Variants in PCDH7 observed in about 807,000 individuals in gnomAD.
The protein encoded by PCDH7 is protocadherin-7.
Under a neutral mutation model 58.9 loss-of-function variants are expected in PCDH7, and 17 were observed. That is an observed-to-expected ratio of 0.29 (90% confidence interval 0.20 to 0.43). The LOEUF (loss-of-function observed/expected upper bound fraction) is 0.43, where lower values mean the gene tolerates loss of function less well. PCDH7 is among the 20% of genes least tolerant of loss of function. The pLI, the probability that PCDH7 is intolerant of heterozygous loss-of-function variation, is 1.00. For missense variants in PCDH7, 1,274 were observed against 1,441.0 expected (o/e 0.88, Z 1.88); for synonymous variants, 664 against 616.4 (o/e 1.08, Z -1.14).
rs376418177 is a variant in PCDH7, at chr4:30,891,592, A to G, written c.71-28561A>G. 5.3e-5 allele frequency among the ~76,000 whole-genome samples: 8 copies of G among 152,122 alleles called. No individual in the cohort carries two copies. In the East Asian group the frequency reaches 1.4e-3, roughly 26 times the overall value. On this transcript the variant is annotated intron_variant, in intron 1 of 3. Transcript: ENST00000509759. ...ATTGCTCCTGGTGAATGAACTTATCAGTGTGTCTGATCCAAATCCACTATT... is the reference window on the plus strand; with the variant it reads ...ATTGCTCCTGGTGAATGAACTTATCGGTGTGTCTGATCCAAATCCACTATT...
chr4:30,738,875 A>G (rs1716671495), intron 1 of PCDH7, among the ~76,000 whole-genome samples: 1 of 152,000 alleles, frequency 6.6e-6, no homozygotes, highest in African/African-American at 2.4e-5. Flanking sequence ...GGTCTGACAT[A>G]GATCCAGTGG....
At chr4:31,063,274 A>G (rs1031267808) in intron 3 of PCDH7, among the ~76,000 whole-genome samples, 3 of 151,884 alleles carry the variant, frequency 2.0e-5, no homozygotes, top group African/African-American at 7.2e-5. Context: ...AGATAGTCAG[A>G]AGATAACATA....
In PCDH7 at chr4:31,053,987, T is replaced by C. The variant is rs1275528254; in HGVS notation, c.*8-88486T>C. 2.0e-5 allele frequency among the ~76,000 whole-genome samples: 3 copies of C among 152,126 alleles called. No individual in the cohort carries two copies. The East Asian group carries it at 5.8e-4, about 29-fold the overall frequency. On this transcript the variant is annotated intron_variant, in intron 3 of 3. Transcript: ENST00000509759. ...TTTTTTGTTGTTTTTTGAGACATGG[T>C]CTTGTTCTGTCATCCAGACTGGAGT...
chr4:30,938,313 C>T (rs1745594346), intron 2 of PCDH7, among the ~76,000 whole-genome samples: 1 of 152,074 alleles, frequency 6.6e-6, no homozygotes, highest in African/African-American at 2.4e-5. Flanking sequence ...ACTTTATGAA[C>T]TATCTACTTG....
chr4:30,995,973 C>T (rs1751860905), intron 3 of PCDH7, among the ~76,000 whole-genome samples: 1 of 152,118 alleles, frequency 6.6e-6, no homozygotes, highest in Non-Finnish European at 1.5e-5. Context: ...TGCCATGTAA[C>T]CTAATGTATT....
intron 1 of PCDH7, among the ~76,000 whole-genome samples, chr4:30,788,663 C>T (rs751452585): frequency 2.0e-5 from 3 of 151,944 alleles, no homozygotes; most frequent in Non-Finnish European, 4.4e-5. Context: ...TACAGCTTTA[C>T]GAATGGAGAG....
Position 31,123,256 on chromosome 4 carries a change from A to T in PCDH7, c.*8-19217A>T, listed in dbSNP as rs1222922983. On this transcript the variant is annotated intron_variant, in intron 3 of 3. Transcript: ENST00000509759. ...ACACCTTTAATTTTTGCCAGGAAAG[A>T]GGGTATTAAGTAAAAATATATAATT... is the stretch of plus-strand genomic sequence containing the variant. Among the ~76,000 whole-genome samples the T allele has an allele frequency of 4.6e-5, 7 of 152,288 alleles. No homozygotes were observed. In the South Asian group the frequency reaches 1.4e-3, roughly 32 times the overall value.
chr4:30,876,740 A>G (rs1284418707), intron 1 of PCDH7, among the ~76,000 whole-genome samples: 1 of 152,014 alleles, frequency 6.6e-6, no homozygotes, highest in Non-Finnish European at 1.5e-5. Flanking sequence ...TATTATTATC[A>G]TTACTATTAT....
chr4:30,972,982 G>A (rs1022866211), intron 3 of PCDH7, among the ~76,000 whole-genome samples: 8 of 152,054 alleles, frequency 5.3e-5, no homozygotes, highest in African/African-American at 1.7e-4. Flanking sequence ...ATAAATATTC[G>A]ATGTTACTAA....
chr4:31,093,607 C>CACAT (rs33938318), intron 3 of PCDH7, among the ~76,000 whole-genome samples: 18,268 of 151,768 alleles, frequency 0.12, 1,547 homozygotes, highest in East Asian at 0.51. Flanking sequence ...CACACACACA[C>CACAT]ATTACTTGAA....
At chr4:30,781,279 T>C (rs1248613102) in intron 1 of PCDH7, among the ~76,000 whole-genome samples, 2 of 151,502 alleles carry the variant, frequency 1.3e-5, no homozygotes, top group East Asian at 3.9e-4. Context: ...TAGCTGGGAC[T>C]ACAGGTGCCC....
At chr4:31,047,943 A>G (rs1578652454) in intron 3 of PCDH7, among the ~76,000 whole-genome samples, 1 of 152,080 alleles carries the variant, frequency 6.6e-6, no homozygotes, top group African/African-American at 2.4e-5. Context: ...GTCCACATGC[A>G]TAGATGACTT....
intron 1 of PCDH7, among the ~76,000 whole-genome samples, chr4:30,748,060 G>T (rs1441181699): frequency 6.6e-6 from 1 of 152,160 alleles, no homozygotes; most frequent in Non-Finnish European, 1.5e-5. Context: ...AAAATGAAAG[G>T]TTTATTCTCA....
At chr4:30,913,278 T>G (rs1216539699) in intron 1 of PCDH7, among the ~76,000 whole-genome samples, 1 of 151,778 alleles carries the variant, frequency 6.6e-6, no homozygotes, top group Non-Finnish European at 1.5e-5. Context: ...GTCAAAAAGG[T>G]AGGGTGGTTA....
intron 1 of PCDH7, among the ~76,000 whole-genome samples, chr4:30,838,700 T>C (rs1165047959): frequency 6.6e-6 from 1 of 152,086 alleles, no homozygotes; most frequent in Non-Finnish European, 1.5e-5. Context: ...AGATTGGTTC[T>C]CTCTATGCAC....
chr4:31,101,665 A>AGTCTT (rs1714909572), intron 3 of PCDH7, among the ~76,000 whole-genome samples: 1 of 152,184 alleles, frequency 6.6e-6, no homozygotes, highest in Admixed American at 6.6e-5. Flanking sequence ...GTTATTTCTA[A>AGTCTT]ATATGAAAAG....
At position 30,722,687 on chromosome 4, in the gene PCDH7, G is replaced by A. The variant is rs1013618479; in HGVS notation, c.1265G>A (p.Arg422His). The change falls in exon 1 of 2, where the codon CGC becomes CAC. Residue 422 changes from arginine (R) to histidine (H), a missense_variant. Arg to His is a conservative substitution (Grantham distance 29, BLOSUM62 0). Around this residue, in one of 3 missense-constraint regions of PCDH7, gnomAD observed 731 missense variants for 881.9 expected, o/e 0.83. Coordinates refer to ENST00000361762, the Ensembl canonical transcript of PCDH7. The surrounding 1 kb of genome is among the most constrained non-coding windows in gnomAD (Gnocchi z 7.6). ...TCCATTGAAATCCGCAAGATTGGGC[G>A]CATCCCCCTCAAGGACGGGGTGGCC... 5.0e-6 allele frequency: 8 copies of A among 1,613,576 alleles called. No homozygotes were observed. The highest frequency in any genetic ancestry group is 6.8e-6 in the Non-Finnish European group (8 of 1,180,022).
At chr4:30,736,717 T>C (rs1240871568), downstream of PCDH7, among the ~76,000 whole-genome samples, 1 of 151,800 alleles carries the variant, frequency 6.6e-6, no homozygotes, top group Non-Finnish European at 1.5e-5. Flanking sequence ...TTTGAGTTTT[T>C]AGTAGAGACG....
In PCDH7 at chr4:30,920,115, T is replaced by C. The variant is rs192550411; in HGVS notation, c.71-38T>C. ...TTTTAAAATAAGATCATTTACAATC[T>C]TACATCGTAGTGACATTCAGAATCT... On this transcript the variant is annotated intron_variant, in intron 1 of 3. Transcript: ENST00000509759. 1.0e-3 allele frequency: 1,398 copies of C among 1,335,336 alleles called. 2 individuals carry two copies. Among genetic ancestry groups the C allele is most frequent in the Admixed American group, 1.4e-3 (72 of 51,652 alleles). The allele number at this position is 1,335,336 out of a possible 1,614,324, so 82.7% of individuals were successfully genotyped here.
Sources: allele counts gnomAD v4.1 joint callset (sites outside exome capture counted in the v4.1 genomes callset), GRCh38; gene constraint gnomAD v4.1.1; regional missense constraint gnomAD v4.1.1; non-coding constraint Gnocchi (gnomAD v3.1); transcripts MANE v1.5; gene names NCBI Gene and HGNC (gene_info 2026-07-23, HGNC 2026-07-21).